TAF4B: variants seen among roughly 807,000 people sequenced by gnomAD.
The protein encoded by TAF4B is transcription initiation factor TFIID subunit 4B.
A neutral mutation model predicts 86.4 loss-of-function variants in TAF4B; 38 were observed. The ratio of observed to expected loss-of-function variants is 0.44; its 90% CI spans 0.34 to 0.58. The LOEUF is 0.58. Among genes scored for constraint, TAF4B ranks in the 20% least tolerant of loss-of-function variants. TAF4B has a pLI of 0.02. For missense variants in TAF4B, 988 were observed against 1,027.6 expected (o/e 0.96, Z 0.53); for synonymous variants, 388 against 391.2 (o/e 0.99, Z 0.10).
At chr18:26,376,937 G>A (rs1291078460) in intron 14 of TAF4B, among the ~76,000 whole-genome samples, 1 of 151,844 alleles carries the variant, frequency 6.6e-6, no homozygotes, top group Non-Finnish European at 1.5e-5. Flanking sequence ...TGAGATGATC[G>A]TGCTTTTTTT....
chr18:26,341,201 C>G (rs2057132302), intron 13 of TAF4B, among the ~76,000 whole-genome samples: 1 of 152,078 alleles, frequency 6.6e-6, no homozygotes, highest in African/African-American at 2.4e-5. Flanking sequence ...ACCTCTGTTT[C>G]CTCATATTTA....
chr18:26,265,401 AAAT>A, intron 2 of TAF4B, 86 bp downstream of exon 2: 1 of 1,382,152 alleles, frequency 7.2e-7, no homozygotes, highest in Non-Finnish European at 9.6e-7. Context: ...TGCTAGTAAA[AAAT>A]AATGTAAGAC....
rs918220835 is a variant in TAF4B at position 26,226,857 on chromosome 18, G to C, written c.-77G>C. Reference sequence around the variant, plus strand: ...GTGGAACCCGAACCGCACCGGAGTCGGCTGCCGCGCGCCAAGCCTCCCCTC... The same window carrying C: ...GTGGAACCCGAACCGCACCGGAGTCCGCTGCCGCGCGCCAAGCCTCCCCTC... On this transcript the variant is annotated 5_prime_UTR_variant, in exon 1 of 15. Transcript: ENST00000269142. The C allele has an allele frequency of 2.5e-6, 3 of 1,206,344 alleles. No homozygotes were observed. The highest frequency in any genetic ancestry group is 3.2e-5 in the East Asian group (1 of 31,272). 74.7% of individuals were successfully genotyped at this position (1,206,344 alleles called of 1,614,324 possible).
At chr18:26,262,092 T>C (rs1016051453) in intron 1 of TAF4B, among the ~76,000 whole-genome samples, 2 of 152,096 alleles carry the variant, frequency 1.3e-5, no homozygotes, top group African/African-American at 4.8e-5. Context: ...CCCAGTGTGC[T>C]CTCCTTGAAG....
chr18:26,340,612 G>A (rs1447576949), intron 13 of TAF4B, among the ~76,000 whole-genome samples: 1 of 152,072 alleles, frequency 6.6e-6, no homozygotes, highest in Non-Finnish European at 1.5e-5. Flanking sequence ...AGATTACTAG[G>A]TCCCACAACC....
At chr18:26,234,305 T>A (rs1055695963) in intron 1 of TAF4B, among the ~76,000 whole-genome samples, 2 of 152,226 alleles carry the variant, frequency 1.3e-5, no homozygotes, top group Non-Finnish European at 2.9e-5. Flanking sequence ...GCTTTGGCAG[T>A]GTAAGACTGC....
intron 7 of TAF4B, among the ~76,000 whole-genome samples, chr18:26,291,854 G>A (rs541535866): frequency 6.6e-6 from 1 of 152,194 alleles, no homozygotes; most frequent in African/African-American, 2.4e-5. Flanking sequence ...AGTGAGTAGG[G>A]GTGTAGATGG....
At chr18:26,240,199 A>G (rs867603698) in intron 1 of TAF4B, among the ~76,000 whole-genome samples, 3 of 152,098 alleles carry the variant, frequency 2.0e-5, no homozygotes, top group African/African-American at 7.2e-5. Context: ...TTTTCATGAT[A>G]TTGATTCTTC....
In TAF4B at chr18:26,285,900, C is replaced by T. The variant is rs143419622; in HGVS notation, c.991C>T (p.Arg331Ter). ...TTTCCAGAAAAGCGTGGTTGCCTTA[C>T]GACAACTTCTGCCTAACTCCCAGAG... is the stretch of plus-strand genomic sequence containing the variant. The part of the protein sequence containing the change: ...PFLKKSVVAL[R>*]QLLPNSQSFI... Residue 331 changes from arginine (R) to a stop codon, truncating the protein, a stop_gained, in exon 7 of 15, where the codon CGA becomes TGA. Transcript: ENST00000269142. LOFTEE classifies it high-confidence loss of function. 1.2e-6 allele frequency: 2 copies of T among 1,607,726 alleles called. No individual in the cohort carries two copies. The highest frequency in any genetic ancestry group is 2.2e-5 in the East Asian group (1 of 44,760).
At chr18:26,250,365 C>T (rs1016201022) in intron 1 of TAF4B, among the ~76,000 whole-genome samples, 6 of 152,018 alleles carry the variant, frequency 3.9e-5, no homozygotes, top group Non-Finnish European at 7.4e-5. Flanking sequence ...GGCATGGTAG[C>T]AGGCGCCTGT....
chr18:26,372,080 C>G (rs1370195769), intron 14 of TAF4B, among the ~76,000 whole-genome samples: 1 of 152,168 alleles, frequency 6.6e-6, no homozygotes, highest in Non-Finnish European at 1.5e-5. Context: ...CCTGAACCCA[C>G]AACATGGTTA....
intron 5 of TAF4B, among the ~76,000 whole-genome samples, chr18:26,278,837 A>T (rs1344777561): frequency 6.6e-6 from 1 of 152,154 alleles, no homozygotes; most frequent in Non-Finnish European, 1.5e-5. Flanking sequence ...AGTGTAAGCA[A>T]TGTGTAAAGG....
At chr18:26,275,943 G>T (rs1277556936) in intron 5 of TAF4B, among the ~76,000 whole-genome samples, 1 of 150,106 alleles carries the variant, frequency 6.7e-6, no homozygotes, top group Non-Finnish European at 1.5e-5. Flanking sequence ...TTGAACCTGG[G>T]AGGCAGAGGT....
At chr18:26,371,680 T>C (rs1361746980) in intron 14 of TAF4B, among the ~76,000 whole-genome samples, 3 of 152,232 alleles carry the variant, frequency 2.0e-5, no homozygotes, top group African/African-American at 7.2e-5. Context: ...CTAGTCTTCC[T>C]TGATTTGTAT....
At chr18:26,247,848 C>A (rs9948633) in intron 1 of TAF4B, among the ~76,000 whole-genome samples, 11,163 of 151,940 alleles carry the variant, frequency 0.073, 1,274 homozygotes, top group African/African-American at 0.25. Context: ...TGCACTCCAG[C>A]CTGGGCAACA....
chr18:26,250,813 A>C (rs2055995739), intron 1 of TAF4B, among the ~76,000 whole-genome samples: 1 of 152,252 alleles, frequency 6.6e-6, no homozygotes, highest in South Asian at 2.1e-4. Flanking sequence ...AAATCTAACA[A>C]CCTATCCTTA....
rs564794606 is a variant in TAF4B, at chr18:26,347,136, G to A, written c.2317-10554G>A. ...GGGGTTTCACCATGTTAGCCAGGAT[G>A]GTCTGGATCTCCTGACCTTGTGATC... On this transcript the variant is annotated intron_variant, in intron 13 of 14. Coordinates refer to ENST00000269142, the MANE Select transcript of TAF4B (RefSeq NM_005640.3). 1.3e-4 allele frequency among the ~76,000 whole-genome samples: 19 copies of A among 151,276 alleles called. 1 individual carries two copies. The South Asian group carries it at 4.0e-3, about 32-fold the overall frequency.
intron 13 of TAF4B, among the ~76,000 whole-genome samples, chr18:26,354,233 C>T (rs1036368763): frequency 5.9e-5 from 9 of 152,148 alleles, no homozygotes; most frequent in African/African-American, 2.2e-4. Context: ...CCCACCATGC[C>T]CAGCTACTTT....
chr18:26,301,953 T>A (rs1791754), intron 9 of TAF4B, among the ~76,000 whole-genome samples: 151,719 of 152,312 alleles, frequency 1, 75,568 homozygotes, highest in East Asian at 1. Context: ...CATGGAGAAA[T>A]TTGGGGTTAC....
Sources: gnomAD v4.1 joint callset for allele counts (sites outside exome capture counted in the v4.1 genomes callset) on GRCh38, gnomAD v4.1.1 for gene constraint, MANE v1.5 for transcripts, NCBI Gene and HGNC (gene_info 2026-07-23, HGNC 2026-07-21) for gene names.